The following CALN1 variants were observed in gnomAD, a reference collection of about 807,000 sequenced individuals.
The protein encoded by CALN1 is calcium-binding protein 8.
A neutral mutation model predicts 30.6 loss-of-function variants in CALN1; 17 were observed. The ratio of observed to expected loss-of-function variants is 0.56; its 90% CI spans 0.38 to 0.83. The LOEUF is 0.83. CALN1 is among the 40% of genes least tolerant of loss of function. CALN1 has a pLI of 0.00. For synonymous variants in CALN1, 156 were observed against 131.4 expected, an observed-to-expected ratio of 1.19 and a Z score of -1.28; for missense variants, 291 against 354.9, an observed-to-expected ratio of 0.82 and a Z score of 1.45.
intron 3 of CALN1, among the ~76,000 whole-genome samples, chr7:72,178,688 C>CAA (rs34462364): frequency 0.25 from 33,755 of 137,236 alleles, 4,358 homozygotes; most frequent in Middle Eastern, 0.34. Flanking sequence ...GACTCCATGT[C>CAA]AAAAAAAAAA....
At chr7:72,429,763 A>G (rs1287642930) in intron 1 of CALN1, among the ~76,000 whole-genome samples, 3 of 148,470 alleles carry the variant, frequency 2.0e-5, no homozygotes, top group Admixed American at 6.8e-5. Flanking sequence ...ACACATCTGT[A>G]TATATATATG....
chr7:72,399,269 GCTTT>G (rs1429040944), intron 2 of CALN1, among the ~76,000 whole-genome samples: 7 of 84,878 alleles, frequency 8.2e-5, no homozygotes, highest in African/African-American at 3.8e-4. Flanking sequence ...CTAACCTATT[GCTTT>G]TTTTTTTTTT....
intron 3 of CALN1, among the ~76,000 whole-genome samples, chr7:72,131,169 C>T (rs1009979673): frequency 6.6e-6 from 1 of 151,910 alleles, no homozygotes; most frequent in Non-Finnish European, 1.5e-5. Flanking sequence ...CATTACAGCA[C>T]GAGGAGATAA....
At chr7:72,216,269 A>C (rs946800431) in intron 3 of CALN1, among the ~76,000 whole-genome samples, 1 of 151,874 alleles carries the variant, frequency 6.6e-6, no homozygotes, top group East Asian at 1.9e-4. Flanking sequence ...AATAATAATA[A>C]ATTTAACATA....
rs529645739 is a variant in CALN1, at chr7:72,300,316, A to G, written c.120-21506T>C. On this transcript the variant is annotated intron_variant, in intron 2 of 6. Coordinates refer to ENST00000395275, the MANE Select transcript of CALN1 (RefSeq NM_031468.4). ...TGAAAAAAATAGTTCTGGCCCTTTG[A>G]CCCTGTAACTCTATTTTTTTTTTCA... is the stretch of plus-strand genomic sequence containing the variant. 6.6e-5 allele frequency among the ~76,000 whole-genome samples: 10 copies of G among 152,108 alleles called. No homozygotes were observed. In the East Asian group the frequency reaches 1.9e-3, roughly 29 times the overall value.
intron 3 of CALN1, among the ~76,000 whole-genome samples, chr7:72,125,833 G>C (rs1174105980): frequency 3.3e-5 from 4 of 119,638 alleles, no homozygotes; most frequent in Non-Finnish European, 5.0e-5. Flanking sequence ...ACGGAGTCTT[G>C]CCCTGTCGCC....
At chr7:72,334,804 C>T (rs1349463466) in intron 2 of CALN1, among the ~76,000 whole-genome samples, 3 of 152,196 alleles carry the variant, frequency 2.0e-5, no homozygotes, top group African/African-American at 7.2e-5. Context: ...TGGATACACC[C>T]AGTAACCAAC....
chr7:71,915,147 T>C (rs1794622857), intron 5 of CALN1, among the ~76,000 whole-genome samples: 1 of 152,182 alleles, frequency 6.6e-6, no homozygotes, highest in Admixed American at 6.5e-5. Context: ...TTTCTCCTTT[T>C]GCAACCTGAA....
intron 6 of CALN1, among the ~76,000 whole-genome samples, chr7:71,799,319 T>C (rs1028706200): frequency 3.3e-5 from 5 of 152,152 alleles, no homozygotes; most frequent in Non-Finnish European, 7.3e-5. Context: ...AGTGAGGGCA[T>C]GCTGGGGAAG....
chr7:72,342,807 G>C (rs958051517), intron 2 of CALN1, among the ~76,000 whole-genome samples: 1 of 152,020 alleles, frequency 6.6e-6, no homozygotes, highest in Non-Finnish European at 1.5e-5. Flanking sequence ...CAAGGGTAGA[G>C]GGTGATGAAA....
chr7:71,970,218 G>A (rs1439227982), intron 5 of CALN1, among the ~76,000 whole-genome samples: 3 of 152,116 alleles, frequency 2.0e-5, no homozygotes, highest in African/African-American at 7.2e-5. Context: ...GAGTTTCTAG[G>A]CAGTGGTTAT....
chr7:72,473,294 T>A, the CALN1 span, among the ~76,000 whole-genome samples: 1 of 151,946 alleles, frequency 6.6e-6, no homozygotes, highest in African/African-American at 2.4e-5. Flanking sequence ...AAGTCTCAGG[T>A]CTCAGGTGCC....
At chr7:72,170,108 C>T (rs1404427313) in intron 3 of CALN1, among the ~76,000 whole-genome samples, 3 of 152,176 alleles carry the variant, frequency 2.0e-5, no homozygotes, top group Non-Finnish European at 4.4e-5. Flanking sequence ...AAGCAATCCT[C>T]CCTCCCAAGT....
chr7:72,501,927 AAAT>A, the CALN1 span, among the ~76,000 whole-genome samples: 211 of 85,208 alleles, frequency 2.5e-3, 29 homozygotes, highest in African/African-American at 0.013. Context: ...AAAAAAAAAA[AAAT>A]ATATATATAT....
At chr7:72,498,886 T>C in the CALN1 span, among the ~76,000 whole-genome samples, 116 of 152,174 alleles carry the variant, frequency 7.6e-4, no homozygotes, top group Non-Finnish European at 1.5e-3. Flanking sequence ...ATTATTCATA[T>C]ACTTATTTTG....
intron 3 of CALN1, among the ~76,000 whole-genome samples, chr7:72,122,416 C>A (rs1165320086): frequency 2.0e-5 from 3 of 152,128 alleles, no homozygotes; most frequent in African/African-American, 7.2e-5. Flanking sequence ...ACCTCCCCTG[C>A]CCCCAGGGTC....
In CALN1 at chr7:72,379,394, A is replaced by G. The variant is rs74715599; in HGVS notation, c.119+23857T>C. Among the ~76,000 whole-genome samples, 91 of 152,380 alleles carry G rather than the reference A, an allele frequency of 6.0e-4. 1 individual carries two copies. In the East Asian group the frequency reaches 0.014, roughly 23 times the overall value. On this transcript the variant is annotated intron_variant, in intron 2 of 6. Transcript: ENST00000395275. The stretch of plus-strand genomic sequence containing the variant: ...ATATCCAATTAATGGCAATGGTAAT[A>G]GCTAACAGTTATAGGGTGCATACCA...
At chr7:72,111,742 CTT>C (rs1807588645) in intron 3 of CALN1, among the ~76,000 whole-genome samples, 1 of 148,938 alleles carries the variant, frequency 6.7e-6, no homozygotes, top group Non-Finnish European at 1.5e-5. Context: ...GCTGGTAACT[CTT>C]TTTTCTTTCT....
intron 5 of CALN1, among the ~76,000 whole-genome samples, chr7:71,873,079 T>C (rs1329685668): frequency 6.9e-6 from 1 of 144,242 alleles, no homozygotes; most frequent in African/African-American, 2.6e-5. Flanking sequence ...TCTTGGCTCA[T>C]TGCAGCCTTT....
Sources: allele counts gnomAD v4.1 joint callset (sites outside exome capture counted in the v4.1 genomes callset), GRCh38; gene constraint gnomAD v4.1.1; transcripts MANE v1.5; gene names NCBI Gene and HGNC (gene_info 2026-07-23, HGNC 2026-07-21).